Variants in MTMR7 observed in about 807,000 individuals in gnomAD.
The protein encoded by MTMR7 is phosphatidylinositol-3-phosphate phosphatase MTMR7.
Under a neutral mutation model 81.2 loss-of-function variants are expected in MTMR7, and 76 were observed. The observed-to-expected ratio is 0.94, with a 90% confidence interval of 0.78 to 1.13. The LOEUF is 1.13. Ranked by LOEUF, MTMR7 falls within the 50% of genes most tolerant of loss-of-function variation. The probability of loss-of-function intolerance (pLI) is 0.00; values close to 1 mark genes in which losing one functional copy is unlikely to be tolerated. For missense variants in MTMR7, 1,044 were observed against 820.0 expected, an observed-to-expected ratio of 1.27 and a Z score of -3.34; for synonymous variants, 372 against 289.8, an observed-to-expected ratio of 1.28 and a Z score of -2.88.
intron 3 of MTMR7, among the ~76,000 whole-genome samples, chr8:17,366,499 GAC>G (rs931831397): frequency 3.3e-5 from 5 of 152,138 alleles, no homozygotes; most frequent in African/African-American, 1.2e-4. Context: ...CAGTCATCAG[GAC>G]ACAGAGATGT....
At chr8:17,314,752 C>T (rs1437571419) in intron 7 of MTMR7, among the ~76,000 whole-genome samples, 1 of 152,226 alleles carries the variant, frequency 6.6e-6, no homozygotes, top group East Asian at 1.9e-4. Flanking sequence ...ATTCCAAAAT[C>T]TTCCTTCCAA....
At chr8:17,329,211 T>C (rs977039020) in intron 7 of MTMR7, among the ~76,000 whole-genome samples, 1 of 152,176 alleles carries the variant, frequency 6.6e-6, no homozygotes, top group Non-Finnish European at 1.5e-5. Flanking sequence ...GATAGCTGTT[T>C]GAAGGAGGAA....
At chr8:17,396,208 C>A (rs1821243382) in intron 1 of MTMR7, among the ~76,000 whole-genome samples, 1 of 151,836 alleles carries the variant, frequency 6.6e-6, no homozygotes, top group African/African-American at 2.4e-5. Flanking sequence ...ATCCTGCCTG[C>A]AAGAACACCA....
chr8:17,339,684 C>G (rs2150540393), intron 6 of MTMR7, among the ~76,000 whole-genome samples: 1 of 152,266 alleles, frequency 6.6e-6, no homozygotes, highest in East Asian at 1.9e-4. Context: ...ACATTTTAGG[C>G]TATTACTAAT....
In MTMR7 at chr8:17,413,282, AT is replaced by A; in HGVS notation, c.10del (p.Ile4SerfsTer12). On this transcript the variant is annotated frameshift_variant, in exon 1 of 14. Transcript: ENST00000180173. LOFTEE classifies it high-confidence loss of function. MEH[I>X]RTPKVENVRL... The stretch of plus-strand genomic sequence containing the variant: ...GGTGTCACCAACCTTGGGCGTACGG[AT>A]GTGCTCCATGGCTGGCCCACGTCTG... 6.5e-7 allele frequency: 1 copy of A among 1,546,958 alleles called. No individual in the cohort carries two copies. The highest frequency in any genetic ancestry group is 1.2e-5 in the South Asian group (1 of 83,914).
chr8:17,317,215 G>T (rs1818134254), intron 7 of MTMR7, among the ~76,000 whole-genome samples: 1 of 152,174 alleles, frequency 6.6e-6, no homozygotes, highest in Admixed American at 6.5e-5. Flanking sequence ...CCATTCACAT[G>T]TAAGAGCAAG....
intron 1 of MTMR7, among the ~76,000 whole-genome samples, chr8:17,411,526 T>C (rs978572488): frequency 3.3e-5 from 5 of 152,220 alleles, no homozygotes; most frequent in African/African-American, 1.2e-4. Context: ...AATGAATAAA[T>C]GAATCCGATC....
intron 3 of MTMR7, 117 bp from the exon 4 acceptor site, chr8:17,361,391 C>A: frequency 1.9e-6 from 2 of 1,063,012 alleles, no homozygotes; most frequent in Non-Finnish European, 2.8e-6. Context: ...ACCCCCACCC[C>A]CAGCACACTC....
intron 4 of MTMR7, among the ~76,000 whole-genome samples, chr8:17,352,755 A>C (rs1261828885): frequency 6.6e-6 from 1 of 152,188 alleles, no homozygotes; most frequent in African/African-American, 2.4e-5. Context: ...AATTGTTAGG[A>C]TGGCCACTAT....
intron 13 of MTMR7, 124 bp downstream of exon 13, chr8:17,302,030 A>T (rs1817150385): frequency 1.3e-5 from 17 of 1,266,380 alleles, no homozygotes; most frequent in Non-Finnish European, 1.6e-5. Context: ...GTTGTGTTTC[A>T]GGTGTTCTAC....
chr8:17,313,474 G>A (rs1418796615), intron 7 of MTMR7, 73 bp from the exon 8 acceptor site: 1 of 982,326 alleles, frequency 1.0e-6, no homozygotes, highest in Non-Finnish European at 1.5e-6. Context: ...TGTTTTATAG[G>A]TAGTTTGTTA....
At chr8:17,316,244 A>G (rs1366859983) in intron 7 of MTMR7, among the ~76,000 whole-genome samples, 1 of 151,966 alleles carries the variant, frequency 6.6e-6, no homozygotes, top group Non-Finnish European at 1.5e-5. Context: ...CCTTATTACT[A>G]TTATTCTCAA....
At position 17,348,839 on chromosome 8, in the gene MTMR7, C is replaced by T. The variant is rs927834361; in HGVS notation, c.597+114G>A. 3.1e-6 allele frequency: 4 copies of T among 1,282,636 alleles called. No homozygotes were observed. In the Admixed American group the frequency reaches 7.1e-5, roughly 23 times the overall value. 79.5% of individuals were successfully genotyped at this position (1,282,636 alleles called of 1,614,324 possible). A position where few individuals can be genotyped will look rare whatever the true frequency, so the allele number is the denominator to read the frequency against. On this transcript the variant is annotated intron_variant, in intron 5 of 13. Transcript: ENST00000180173. ...TACCATGCACAGGAATATCCACATA[C>T]CTTCTGAAGAATTCAAACACACACA...
intron 9 of MTMR7, 128 bp downstream of exon 9, chr8:17,311,383 A>T (rs1817771808): frequency 8.2e-7 from 1 of 1,221,636 alleles, no homozygotes; most frequent in Non-Finnish European, 1.2e-6. Context: ...CTTCCCCTTT[A>T]ATCTTGCTGA....
intron 2 of MTMR7, among the ~76,000 whole-genome samples, 174 bp from the exon 3 acceptor site, chr8:17,371,373 C>A (rs1161234404): frequency 1.3e-5 from 2 of 152,176 alleles, no homozygotes; most frequent in Admixed American, 1.3e-4. Flanking sequence ...GAACCAACTT[C>A]CTAAATTTAT....
At chr8:17,318,312 T>G (rs560165997) in intron 7 of MTMR7, among the ~76,000 whole-genome samples, 57 of 152,158 alleles carry the variant, frequency 3.7e-4, no homozygotes, top group African/African-American at 1.3e-3. Flanking sequence ...GAGCAGCGCT[T>G]CCACAGTTCT....
Position 17,298,015 on chromosome 8 carries a change from G to C in MTMR7, c.*1847C>G, listed in dbSNP as rs1816839335. ...GCTTTTCAAATAAAAGCATAGTGCT[G>C]TTTGGCATAGATACTTTGTCATTTT... On this transcript the variant is annotated 3_prime_UTR_variant, in exon 14 of 14. Transcript: ENST00000180173. The C allele has an allele frequency of 6.6e-6, 1 of 151,992 alleles. No homozygotes were observed. The highest frequency in any genetic ancestry group is 2.4e-5 in the African/African-American group (1 of 41,428). 9.4% of individuals were successfully genotyped at this position (151,992 alleles called of 1,614,324 possible). A position where few individuals can be genotyped will look rare whatever the true frequency, so the allele number is the denominator to read the frequency against.
intron 1 of MTMR7, among the ~76,000 whole-genome samples, chr8:17,411,605 C>CACA (rs1167142970): frequency 6.6e-6 from 1 of 152,198 alleles, no homozygotes; most frequent in Non-Finnish European, 1.5e-5. Flanking sequence ...TCACCCAATT[C>CACA]AGTAACACTT....
intron 13 of MTMR7, chr8:17,301,907 C>G (rs974757151): frequency 6.8e-6 from 3 of 439,322 alleles, no homozygotes; most frequent in African/African-American, 6.1e-5. Flanking sequence ...AACAAGTTGA[C>G]CTAAAATAAG....
Sources: allele counts gnomAD v4.1 joint callset (sites outside exome capture counted in the v4.1 genomes callset), GRCh38; gene constraint gnomAD v4.1.1; transcripts MANE v1.5; gene names NCBI Gene and HGNC (gene_info 2026-07-23, HGNC 2026-07-21).